The following RORA variants were observed in gnomAD, a reference collection of about 807,000 sequenced individuals.
RORA encodes the protein nuclear receptor ROR-alpha.
RORA carries 7 observed loss-of-function variants against 69.5 expected under a neutral mutation model. The observed-to-expected ratio is 0.10, with a 90% confidence interval of 0.06 to 0.19. The LOEUF (loss-of-function observed/expected upper bound fraction) is 0.19, where lower values mean the gene tolerates loss of function less well. Ranked by LOEUF, RORA falls within the 10% of genes least tolerant of loss-of-function variation. The pLI is 1.00. For synonymous variants in RORA, 261 were observed against 240.8 expected, an observed-to-expected ratio of 1.08 and a Z score of -0.78; for missense variants, 457 against 663.0, an observed-to-expected ratio of 0.69 and a Z score of 3.41.
chr15:61,014,399 T>C (rs879405917), intron 1 of RORA, among the ~76,000 whole-genome samples: 23 of 152,364 alleles, frequency 1.5e-4, no homozygotes, highest in Admixed American at 6.5e-5. Context: ...ATCACAATCA[T>C]GCCCAGATGA....
intron 1 of RORA, among the ~76,000 whole-genome samples, chr15:60,987,964 C>G (rs1894258640): frequency 6.6e-6 from 1 of 152,186 alleles, no homozygotes; most frequent in Non-Finnish European, 1.5e-5. Flanking sequence ...TGGGCTGGAT[C>G]CCACTCATAT....
chr15:60,523,066 T>C (rs1176299921), intron 3 of RORA, among the ~76,000 whole-genome samples: 1 of 125,990 alleles, frequency 7.9e-6, no homozygotes, highest in Non-Finnish European at 1.8e-5. Flanking sequence ...AAAAAACTGA[T>C]GAAAATTATA....
At chr15:60,671,851 A>T (rs1224623514) in intron 2 of RORA, among the ~76,000 whole-genome samples, 1 of 151,882 alleles carries the variant, frequency 6.6e-6, no homozygotes, top group Non-Finnish European at 1.5e-5. Context: ...ACCTCAGGTG[A>T]TCTGCCTGCC....
intron 1 of RORA, among the ~76,000 whole-genome samples, chr15:60,723,430 T>C (rs2071318299): frequency 6.6e-6 from 1 of 150,534 alleles, no homozygotes; most frequent in African/African-American, 2.5e-5. Flanking sequence ...TGTGGAAAAT[T>C]ACTTTTTTTT....
intron 1 of RORA, among the ~76,000 whole-genome samples, chr15:60,685,960 T>G (rs1418058051): frequency 1.3e-5 from 2 of 152,210 alleles, no homozygotes; most frequent in Non-Finnish European, 2.9e-5. Context: ...TTTCAGCTCT[T>G]TTACCAACCA....
intron 1 of RORA, among the ~76,000 whole-genome samples, chr15:60,959,720 G>C (rs1333846702): frequency 6.6e-6 from 1 of 152,112 alleles, no homozygotes; most frequent in Non-Finnish European, 1.5e-5. Flanking sequence ...TAAACACCCT[G>C]GGAAACTGGT....
At chr15:61,170,509 C>T (rs1208839620) in intron 1 of RORA, among the ~76,000 whole-genome samples, 3 of 152,204 alleles carry the variant, frequency 2.0e-5, no homozygotes, top group South Asian at 2.1e-4. Context: ...TCTCCCAACT[C>T]AAGGTCCTAA....
chr15:60,743,997 T>C (rs2071613501), intron 1 of RORA, among the ~76,000 whole-genome samples: 1 of 151,322 alleles, frequency 6.6e-6, no homozygotes, highest in East Asian at 1.9e-4. Context: ...GGAGGGGAAA[T>C]GCTAGATCTG....
rs1178270677 is a variant in RORA at position 60,493,600 on chromosome 15, A to AAGAC, written c.*3851_*3854dup. ...ATTCAATGAAATAAAAAGTTTTCCA[A>AAGAC]AGACAGATAGACAAATTCCATCAAG... On this transcript the variant is annotated 3_prime_UTR_variant, in exon 11 of 11. Transcript: ENST00000335670. 6.6e-6 allele frequency: 1 copy of AAGAC among 152,210 alleles called. No individual in the cohort carries two copies. The highest frequency in any genetic ancestry group is 6.5e-5 in the Admixed American group (1 of 15,288). The allele number at this position is 152,210 out of a possible 1,614,324, so 9.4% of individuals were successfully genotyped here.
chr15:60,931,555 C>G (rs1892373080), intron 1 of RORA, among the ~76,000 whole-genome samples: 1 of 152,240 alleles, frequency 6.6e-6, no homozygotes, highest in Non-Finnish European at 1.5e-5. Context: ...TATTTTGCCT[C>G]TAGAAAACAG....
intron 1 of RORA, among the ~76,000 whole-genome samples, chr15:60,987,054 T>C (rs16943429): frequency 0.22 from 33,416 of 152,164 alleles, 3,903 homozygotes; most frequent in African/African-American, 0.28. Flanking sequence ...GGAATAAGAC[T>C]AAACTTGCCT....
chr15:60,789,170 C>A (rs1037224083), intron 1 of RORA, among the ~76,000 whole-genome samples: 1 of 152,092 alleles, frequency 6.6e-6, no homozygotes, highest in Admixed American at 6.5e-5. Flanking sequence ...GTAGGCCTCC[C>A]AAAGGCCAAA....
At chr15:61,029,837 C>G (rs567921662) in intron 1 of RORA, among the ~76,000 whole-genome samples, 4 of 152,030 alleles carry the variant, frequency 2.6e-5, no homozygotes, top group Non-Finnish European at 5.9e-5. Flanking sequence ...CTTTGGTATC[C>G]AAAAAGGGCC....
At chr15:60,752,990 T>C (rs1213206785) in intron 1 of RORA, among the ~76,000 whole-genome samples, 2 of 152,188 alleles carry the variant, frequency 1.3e-5, no homozygotes, top group African/African-American at 2.4e-5. Flanking sequence ...ACAAGAAGAA[T>C]GTAAAAGTTG....
chr15:61,223,599 C>T (rs965050166), intron 1 of RORA, among the ~76,000 whole-genome samples: 11 of 152,220 alleles, frequency 7.2e-5, no homozygotes, highest in African/African-American at 2.7e-4. Context: ...TGTCCATTTA[C>T]AGTTCTATAA....
At chr15:60,626,879 C>T (rs1461683941) in intron 2 of RORA, among the ~76,000 whole-genome samples, 1 of 152,184 alleles carries the variant, frequency 6.6e-6, no homozygotes, top group Admixed American at 6.5e-5. Context: ...ATAACAGCAC[C>T]TTCTACAGAG....
At chr15:60,885,659 T>C (rs961931421) in intron 1 of RORA, among the ~76,000 whole-genome samples, 2 of 152,238 alleles carry the variant, frequency 1.3e-5, no homozygotes, top group African/African-American at 4.8e-5. Flanking sequence ...TCAGATAGAT[T>C]GATCGACAGA....
intron 2 of RORA, among the ~76,000 whole-genome samples, chr15:60,551,434 A>G (rs78314476): frequency 0.018 from 2,811 of 152,238 alleles, 100 homozygotes; most frequent in African/African-American, 0.065. Flanking sequence ...TGCCATTTCT[A>G]AAGTTTAAGA....
At chr15:60,788,049 G>A (rs1163941154) in intron 1 of RORA, among the ~76,000 whole-genome samples, 1 of 152,234 alleles carries the variant, frequency 6.6e-6, no homozygotes, top group Non-Finnish European at 1.5e-5. Context: ...TGAAGGAGAA[G>A]TACAAGGTGT....
Sources: gnomAD v4.1 joint callset for allele counts (sites outside exome capture counted in the v4.1 genomes callset) on GRCh38, gnomAD v4.1.1 for gene constraint, MANE v1.5 for transcripts, NCBI Gene and HGNC (gene_info 2026-07-23, HGNC 2026-07-21) for gene names.